Variants in TSHZ2 observed in about 807,000 individuals in gnomAD.
TSHZ2 encodes teashirt homolog 2.
Under a neutral mutation model 74.4 loss-of-function variants are expected in TSHZ2, and 21 were observed. The ratio of observed to expected loss-of-function variants is 0.28; its 90% CI spans 0.20 to 0.41. The LOEUF is 0.41. TSHZ2 is among the 10% of genes least tolerant of loss of function. TSHZ2 has a pLI of 1.00. For synonymous variants in TSHZ2, 540 were observed against 515.3 expected, an observed-to-expected ratio of 1.05 and a Z score of -0.65; for missense variants, 1,244 against 1,293.5, an observed-to-expected ratio of 0.96 and a Z score of 0.59.
intron 2 of TSHZ2, among the ~76,000 whole-genome samples, chr20:53,293,559 G>A (rs1249845989): frequency 6.6e-6 from 1 of 152,124 alleles, no homozygotes; most frequent in Non-Finnish European, 1.5e-5. Flanking sequence ...AGTCTTGGAT[G>A]TTGTCCAGAG....
rs750453219 is a variant in TSHZ2 at position 53,175,131 on chromosome 20, C to CTTTTTTTTTT, written c.41-78349_41-78340dup. 3.5e-3 allele frequency among the ~76,000 whole-genome samples: 223 copies of CTTTTTTTTTT among 63,632 alleles called. 8 individuals are homozygous for CTTTTTTTTTT. Among genetic ancestry groups the CTTTTTTTTTT allele is most frequent in the East Asian group, 5.8e-3 (7 of 1,198 alleles). 41.7% of individuals were successfully genotyped at this position (63,632 alleles called of 152,430 possible). The stretch of plus-strand genomic sequence containing the variant: ...CTCCTTCTCCTCCTTCTTCTTCTTT[C>CTTTTTTTTTT]TTTTTTTTTTTTTTTTTTTTTTTTT... On this transcript the variant is annotated intron_variant, in intron 1 of 2. Transcript: ENST00000371497.
At chr20:53,474,626 C>T (rs1225787878) in intron 2 of TSHZ2, among the ~76,000 whole-genome samples, 1 of 133,654 alleles carries the variant, frequency 7.5e-6, no homozygotes, top group African/African-American at 3.0e-5. Context: ...CAGCTAACAT[C>T]ATAATGACAG....
chr20:53,404,533 G>T (rs1982775447), intron 2 of TSHZ2, among the ~76,000 whole-genome samples: 1 of 152,068 alleles, frequency 6.6e-6, no homozygotes, highest in African/African-American at 2.4e-5. Context: ...GAAAGCGTTG[G>T]GTTTCTCCTA....
At chr20:53,268,313 A>G (rs1379566910) in intron 2 of TSHZ2, among the ~76,000 whole-genome samples, 2 of 152,200 alleles carry the variant, frequency 1.3e-5, no homozygotes, top group Non-Finnish European at 2.9e-5. Flanking sequence ...AAAGATGGGA[A>G]CCAGTTAAGG....
intron 1 of TSHZ2, among the ~76,000 whole-genome samples, chr20:52,975,665 A>G (rs147274132): frequency 7.9e-5 from 12 of 152,280 alleles, no homozygotes; most frequent in African/African-American, 2.2e-4. Context: ...CTGAAAAAGG[A>G]TGATTCATTT....
intron 2 of TSHZ2, among the ~76,000 whole-genome samples, chr20:53,430,726 C>T (rs1983814305): frequency 6.6e-6 from 1 of 151,974 alleles, no homozygotes; most frequent in Non-Finnish European, 1.5e-5. Flanking sequence ...ATTTAGGAAA[C>T]ACTGATTTGA....
chr20:52,989,150 T>C (rs1021799305), intron 1 of TSHZ2, among the ~76,000 whole-genome samples: 14 of 138,462 alleles, frequency 1.0e-4, no homozygotes, highest in African/African-American at 3.9e-4. Flanking sequence ...GAAATCATGA[T>C]AGACTCTGTC....
chr20:53,023,436 C>G (rs536801844), intron 1 of TSHZ2, among the ~76,000 whole-genome samples: 1 of 152,268 alleles, frequency 6.6e-6, no homozygotes, highest in South Asian at 2.1e-4. Context: ...ATAGTTCTTT[C>G]CTAGGTATGT....
At chr20:53,423,250 A>G (rs1036556887) in intron 2 of TSHZ2, among the ~76,000 whole-genome samples, 2 of 152,128 alleles carry the variant, frequency 1.3e-5, no homozygotes. Context: ...AAATATGAAA[A>G]TTAGCCATGT....
chr20:53,032,666 G>T (rs772813552), intron 1 of TSHZ2, among the ~76,000 whole-genome samples: 3 of 152,124 alleles, frequency 2.0e-5, no homozygotes, highest in Non-Finnish European at 2.9e-5. Context: ...TCTCATTGTT[G>T]GATTCAGTTT....
At chr20:53,125,599 G>C (rs1319647986) in intron 1 of TSHZ2, among the ~76,000 whole-genome samples, 1 of 152,058 alleles carries the variant, frequency 6.6e-6, no homozygotes, top group Non-Finnish European at 1.5e-5. Flanking sequence ...GGGTTCTTAA[G>C]TATTTTATAC....
intron 1 of TSHZ2, among the ~76,000 whole-genome samples, chr20:52,986,233 T>C (rs1179920478): frequency 6.8e-6 from 1 of 146,004 alleles, no homozygotes; most frequent in South Asian, 2.2e-4. Context: ...CTACTAAAAA[T>C]ACAGAAAAAA....
At chr20:53,052,734 A>T (rs56051070) in intron 1 of TSHZ2, among the ~76,000 whole-genome samples, 13,728 of 152,184 alleles carry the variant, frequency 0.09, 1,706 homozygotes, top group African/African-American at 0.28. Context: ...CTTGGCTATT[A>T]CGAATAATGC....
At chr20:53,149,314 G>A (rs1024558845) in intron 1 of TSHZ2, among the ~76,000 whole-genome samples, 3 of 152,046 alleles carry the variant, frequency 2.0e-5, no homozygotes, top group Admixed American at 6.5e-5. Flanking sequence ...TGTGGGAAGA[G>A]GGATTGAAAT....
At chr20:53,326,298 T>C (rs1253172482) in intron 2 of TSHZ2, among the ~76,000 whole-genome samples, 4 of 152,198 alleles carry the variant, frequency 2.6e-5, no homozygotes, top group Non-Finnish European at 5.9e-5. Context: ...CTGTGATATG[T>C]CTAAGCAAAG....
At chr20:53,115,409 A>G (rs1313694938) in intron 1 of TSHZ2, among the ~76,000 whole-genome samples, 2 of 152,034 alleles carry the variant, frequency 1.3e-5, no homozygotes, top group African/African-American at 4.8e-5. Context: ...TGGTTCTATA[A>G]AGGGCAGTTC....
chr20:52,973,583 C>T (rs1157112351), intron 1 of TSHZ2, among the ~76,000 whole-genome samples: 1 of 152,216 alleles, frequency 6.6e-6, no homozygotes, highest in Non-Finnish European at 1.5e-5. Flanking sequence ...CCTCCACCCT[C>T]TACCCCACCC....
intron 2 of TSHZ2, among the ~76,000 whole-genome samples, chr20:53,446,477 G>A (rs1984550157): frequency 6.6e-6 from 1 of 151,126 alleles, no homozygotes; most frequent in Non-Finnish European, 1.5e-5. Flanking sequence ...TACTCGGGAG[G>A]CTGAGGCAGG....
intron 2 of TSHZ2, among the ~76,000 whole-genome samples, chr20:53,287,364 T>A (rs1010431053): frequency 5.3e-5 from 8 of 152,196 alleles, no homozygotes; most frequent in African/African-American, 1.9e-4. Flanking sequence ...AGAACTCATC[T>A]CCAGGGTCTG....
Sources: gnomAD v4.1 joint callset for allele counts (sites outside exome capture counted in the v4.1 genomes callset) on GRCh38, gnomAD v4.1.1 for gene constraint, MANE v1.5 for transcripts, NCBI Gene and HGNC (gene_info 2026-07-23, HGNC 2026-07-21) for gene names.